CACNA1B: variants seen among roughly 807,000 people sequenced by gnomAD.
The protein encoded by CACNA1B is calcium voltage-gated channel subunit alpha1 B.
Under a neutral mutation model 247.2 loss-of-function variants are expected in CACNA1B, and 70 were observed. That is an observed-to-expected ratio of 0.28 (90% CI 0.23 to 0.35). The LOEUF (loss-of-function observed/expected upper bound fraction) is 0.35, where lower values mean the gene tolerates loss of function less well. Ranked by LOEUF, CACNA1B falls within the 10% of genes least tolerant of loss-of-function variation. CACNA1B has a pLI of 1.00. For synonymous variants in CACNA1B, 1,231 were observed against 1,294.4 expected (o/e 0.95, Z 1.05); for missense variants, 2,367 against 3,197.4 (o/e 0.74, Z 6.26).
intron 12 of CACNA1B, among the ~76,000 whole-genome samples, chr9:137,983,279 C>T (rs1958315686): frequency 6.6e-6 from 1 of 152,212 alleles, no homozygotes; most frequent in Non-Finnish European, 1.5e-5. Context: ...GACATGGGCG[C>T]TCCTGCTGAC....
chr9:138,058,452 T>C lies in CACNA1B; in HGVS notation c.4309-117T>C. The C allele has an allele frequency of 1.9e-6, 2 of 1,032,612 alleles. No homozygotes were observed. The highest frequency in any genetic ancestry group is 1.6e-5 in the South Asian group (1 of 64,152). 64.0% of individuals were successfully genotyped at this position (1,032,612 alleles called of 1,614,324 possible). A position where few individuals can be genotyped will look rare whatever the true frequency, so the allele number is the denominator to read the frequency against. On this transcript the variant is annotated intron_variant, in intron 28 of 46. Coordinates refer to ENST00000371372, the MANE Select transcript of CACNA1B (RefSeq NM_000718.4). The surrounding 1 kb of genome is among the most constrained non-coding windows in gnomAD (Gnocchi z 4.7). ...TTGGAGAAGGTCTGGGCTGCTTCAA[T>C]TTGTCTTCTGTTGTCAGGGCTCCCT...
intron 6 of CACNA1B, among the ~76,000 whole-genome samples, chr9:137,924,608 T>C (rs1471140631): frequency 5.9e-5 from 9 of 152,210 alleles, no homozygotes; most frequent in Admixed American, 2.0e-4. Context: ...TTCCATGTTA[T>C]TCAGTTTGGG....
At chr9:138,099,346 TG>T (rs2131345898) in intron 37 of CACNA1B, among the ~76,000 whole-genome samples, 1 of 152,378 alleles carries the variant, frequency 6.6e-6, no homozygotes. Context: ...TATGTGTGCC[TG>T]TGTGTATATG....
chr9:138,066,149 T>C (rs1959906052), intron 31 of CACNA1B, among the ~76,000 whole-genome samples: 1 of 152,208 alleles, frequency 6.6e-6, no homozygotes, highest in African/African-American at 2.4e-5. Flanking sequence ...TTCCATGTAA[T>C]TTGGGCTCCT....
At chr9:137,989,437 G>A (rs1958406165) in intron 15 of CACNA1B, among the ~76,000 whole-genome samples, 1 of 152,130 alleles carries the variant, frequency 6.6e-6, no homozygotes, top group Admixed American at 6.5e-5. Flanking sequence ...AAGAGAGGGT[G>A]GCCAGTGCCC....
rs756586046 is a variant in CACNA1B at position 138,010,092 on chromosome 9, G to A, written c.2160+15G>A. The A allele has an allele frequency of 5.6e-6, 9 of 1,607,124 alleles. No homozygotes were observed. The East Asian group carries it at 1.3e-4, about 24-fold the overall frequency. Reference sequence around the variant, plus strand: ...AGCTGACCAAGGTAGGTGGCGACAGGGAGGGACCGGTGTCAGCCCATGTCA... The same window carrying A: ...AGCTGACCAAGGTAGGTGGCGACAGAGAGGGACCGGTGTCAGCCCATGTCA... On this transcript the variant is annotated intron_variant, in intron 17 of 46. Transcript: ENST00000371372. This position sits in a 1 kb window ranked among gnomAD's most constrained non-coding sequence, Gnocchi z 5.3.
At chr9:138,056,199 C>CA (rs1035571939) in intron 26 of CACNA1B, among the ~76,000 whole-genome samples, 9 of 151,074 alleles carry the variant, frequency 6.0e-5, no homozygotes, top group Admixed American at 4.0e-4. Context: ...TTCAGCACCT[C>CA]AAAAAAAAAG....
rs1959297542 is a variant in CACNA1B at position 138,051,962 on chromosome 9, C to T, written c.3711-130C>T. 1.7e-6 allele frequency: 1 copy of T among 598,600 alleles called. No homozygotes were observed. The highest frequency in any genetic ancestry group is 1.9e-5 in the African/African-American group (1 of 53,882). The allele number at this position is 598,600 out of a possible 1,614,324, so 37.1% of individuals were successfully genotyped here. On this transcript the variant is annotated intron_variant, in intron 24 of 46. Transcript: ENST00000371372. The surrounding 1 kb of genome is among the most constrained non-coding windows in gnomAD (Gnocchi z 4.3). ...ACCTGCAGGGCAAGGCCTCTCTGCTCCTGGGTCCTCCACCCTGGAGTCTGA... is the reference window on the plus strand; with the variant it reads ...ACCTGCAGGGCAAGGCCTCTCTGCTTCTGGGTCCTCCACCCTGGAGTCTGA...
chr9:138,015,708 G>A (rs970290128), intron 18 of CACNA1B, among the ~76,000 whole-genome samples: 3 of 152,228 alleles, frequency 2.0e-5, no homozygotes, highest in Non-Finnish European at 2.9e-5. Flanking sequence ...TGACACAGAC[G>A]GTGCCAGAAC....
At chr9:138,079,031 C>T (rs767530145) in intron 36 of CACNA1B, among the ~76,000 whole-genome samples, 9 of 152,254 alleles carry the variant, frequency 5.9e-5, no homozygotes, top group Non-Finnish European at 8.8e-5. Context: ...CGTTAGTGTT[C>T]GGTGTGTTCG....
intron 6 of CACNA1B, among the ~76,000 whole-genome samples, chr9:137,940,126 A>G (rs1022909512): frequency 2.6e-5 from 4 of 152,190 alleles, no homozygotes; most frequent in African/African-American, 9.6e-5. Flanking sequence ...TAAATGAAAC[A>G]AAAAGCTAGT....
chr9:138,016,766 C>T (rs77229228), intron 18 of CACNA1B, among the ~76,000 whole-genome samples: 2,728 of 152,300 alleles, frequency 0.018, 89 homozygotes, highest in African/African-American at 0.061. Context: ...AGCCTCCCGC[C>T]GCAGGGTGCA....
chr9:138,044,013 G>C, intron 21 of CACNA1B, 113 bp downstream of exon 21: 1 of 1,379,846 alleles, frequency 7.2e-7, no homozygotes, highest in Non-Finnish European at 1.0e-6. Flanking sequence ...TAGAGAAACG[G>C]CTCTAAATCC....
chr9:137,943,356 A>T (rs1259142460), intron 6 of CACNA1B, among the ~76,000 whole-genome samples: 1 of 152,322 alleles, frequency 6.6e-6, no homozygotes, highest in East Asian at 1.9e-4. Context: ...TGAGGCCTCC[A>T]TGCTGAATGT....
chr9:137,961,806 C>A (rs965056196), intron 10 of CACNA1B, among the ~76,000 whole-genome samples: 1 of 152,160 alleles, frequency 6.6e-6, no homozygotes, highest in African/African-American at 2.4e-5. Flanking sequence ...AGGATTTTTG[C>A]ATCAATGTTC....
chr9:137,910,561 G>A (rs1957348525), intron 3 of CACNA1B, among the ~76,000 whole-genome samples: 1 of 152,216 alleles, frequency 6.6e-6, no homozygotes. Flanking sequence ...TATAGAGTCA[G>A]TGGGAGCCCT....
At position 138,025,157 on chromosome 9, in the gene CACNA1B, G is replaced by C. The variant is rs1236526580; in HGVS notation, c.3271G>C (p.Ala1091Pro). ...PVMLTGPLGE[A>P]TVVPSGNVDL... ...GATGCTGACGGGCCCTCTTGGGGAA[G>C]CCACGGTCGTTCCCAGTGAGTATCT... The change falls in exon 20 of 47, where the codon GCC becomes CCC. Residue 1091 changes from alanine to proline, a missense_variant. This residue lies in a region of CACNA1B where 631 missense variants were observed against 631.1 expected (regional missense o/e 1.00). Transcript: ENST00000371372. 2 of 1,609,826 alleles carry C rather than the reference G, an allele frequency of 1.2e-6. No individual in the cohort carries two copies. Among genetic ancestry groups the C allele is most frequent in the East Asian group, 2.2e-5 (1 of 44,710 alleles).
At chr9:138,003,148 C>G (rs1419801547) in intron 15 of CACNA1B, among the ~76,000 whole-genome samples, 1 of 148,322 alleles carries the variant, frequency 6.7e-6, no homozygotes, top group African/African-American at 2.5e-5. Context: ...CCACTGCACT[C>G]CAGCCTTGGC....
At chr9:137,960,870 T>C (rs1008872176) in intron 10 of CACNA1B, among the ~76,000 whole-genome samples, 1 of 152,108 alleles carries the variant, frequency 6.6e-6, no homozygotes, top group Non-Finnish European at 1.5e-5. Context: ...ATCATGTTTG[T>C]TTTGTTTTGT....
Sources: gnomAD v4.1 joint callset for allele counts (sites outside exome capture counted in the v4.1 genomes callset) on GRCh38, gnomAD v4.1.1 for gene constraint, gnomAD v4.1.1 regional missense constraint, Gnocchi (gnomAD v3.1) non-coding constraint, MANE v1.5 for transcripts, NCBI Gene and HGNC (gene_info 2026-07-23, HGNC 2026-07-21) for gene names.